The following VSIG4 variants were observed in gnomAD, a reference collection of about 807,000 sequenced individuals.
The protein encoded by VSIG4 is V-set and immunoglobulin domain containing 4, also known as V-set and immunoglobulin domain-containing protein 4.
VSIG4 carries 34 observed loss-of-function variants against 23.4 expected under a neutral mutation model. The ratio of observed to expected loss-of-function variants is 1.45; its 90% CI spans 1.10 to 1.93. The LOEUF (loss-of-function observed/expected upper bound fraction) is 1.93. Ranked by LOEUF, VSIG4 falls within the 30% of genes most tolerant of loss-of-function variation. The pLI is 0.00. For missense variants in VSIG4, 433 were observed against 310.8 expected (o/e 1.39, Z -2.96); for synonymous variants, 169 against 120.3 (o/e 1.41, Z -2.65).
chrX:66,032,713 C>T lies in VSIG4; in HGVS notation c.449G>A (p.Gly150Asp). 8.3e-7 allele frequency: 1 copy of T among 1,211,467 alleles called. No individual in the cohort carries two copies. The highest frequency in any genetic ancestry group is 2.3e-4 in the Middle Eastern group (1 of 4,346). The part of the protein sequence containing the change: ...VSKPTVTTGS[G>D]YGFTVPQGMR... Reference sequence around the variant, plus strand: ...TCCCTGGGGCACCGTGAAGCCATAACCGCTGCCAGTTGTCACTGTGGGCTT... The same window carrying T: ...TCCCTGGGGCACCGTGAAGCCATAATCGCTGCCAGTTGTCACTGTGGGCTT... The change falls in exon 3 of 8, where the codon GGT (glycine) becomes GAT (aspartate). Residue 150 changes from glycine (G) to aspartate (D), a missense_variant. Transcript: ENST00000374737.
chrX:66,029,762 A>G (rs5964487), intron 3 of VSIG4, among the ~76,000 whole-genome samples: 37,573 of 110,544 alleles, frequency 0.34, 8,385 homozygotes, highest in African/African-American at 0.82. Flanking sequence ...AGGTACTGCT[A>G]TGTTTTCTAA....
At chrX:66,026,836 G>A (rs1475343631) in intron 5 of VSIG4, among the ~76,000 whole-genome samples, 1 of 111,619 alleles carries the variant, frequency 9.0e-6, no homozygotes, top group African/African-American at 3.3e-5. Context: ...AATGGGACAA[G>A]GCAGCCCCAG....
chrX:66,025,147 A>G lies in VSIG4; in HGVS notation c.836-18T>C, dbSNP rs1395934823. Reference sequence around the variant, plus strand: ...GCTCTTTCCTAGAGGGTAAAACAAGATCAAGTGGTATTTGATTGAAAATAA... The same window carrying G: ...GCTCTTTCCTAGAGGGTAAAACAAGGTCAAGTGGTATTTGATTGAAAATAA... On this transcript the variant is annotated intron_variant, in intron 5 of 7. Coordinates refer to ENST00000374737, the MANE Select transcript of VSIG4 (RefSeq NM_007268.3). The G allele has an allele frequency of 1.8e-6, 2 of 1,098,607 alleles. No homozygotes were observed. The highest frequency in any genetic ancestry group is 3.1e-5 in the East Asian group (1 of 31,882). 90.5% of individuals were successfully genotyped at this position (1,098,607 alleles called of 1,213,427 possible). A position where few individuals can be genotyped will look rare whatever the true frequency, so the allele number is the denominator to read the frequency against.
chrX:66,023,863 A>G (rs1391282002), intron 6 of VSIG4, among the ~76,000 whole-genome samples: 1 of 112,216 alleles, frequency 8.9e-6, no homozygotes, highest in East Asian at 2.8e-4. Context: ...TTTTTGAGAG[A>G]GAAACAATTT....
intron 1 of VSIG4, among the ~76,000 whole-genome samples, chrX:66,038,901 AGCCTTTTTCTCTAGGGAT>A (rs1296396442): frequency 2.7e-5 from 3 of 111,216 alleles, no homozygotes; most frequent in Non-Finnish European, 3.8e-5. Flanking sequence ...ACACCTATCC[AGCCTTTTTCTCTAGGGAT>A]GATAGGGAAG....
rs138033339 is a variant in VSIG4 at position 66,035,021 on chromosome X, G to A, written c.56-1191C>T. 5.2e-4 allele frequency among the ~76,000 whole-genome samples: 58 copies of A among 110,936 alleles called. 1 individual carries two copies. In the East Asian group the frequency reaches 0.015, roughly 29 times the overall value. ...GTATTCAGTCAAGCGGATGGAAGATGACATCTTTTGGATGGGTTGAGTGTA... is the reference window on the plus strand; with the variant it reads ...GTATTCAGTCAAGCGGATGGAAGATAACATCTTTTGGATGGGTTGAGTGTA... On this transcript the variant is annotated intron_variant, in intron 1 of 7. Coordinates refer to ENST00000374737, the MANE Select transcript of VSIG4 (RefSeq NM_007268.3).
intron 1 of VSIG4, among the ~76,000 whole-genome samples, chrX:66,038,423 T>A (rs1057040037): frequency 9.1e-6 from 1 of 110,341 alleles, no homozygotes; most frequent in African/African-American, 3.3e-5. Flanking sequence ...TGCTTCCAGG[T>A]CTGGAAAAGC....
rs1200203966 is a variant in VSIG4, at chrX:66,033,636, C to T, written c.250G>A (p.Gly84Ser). The change falls in exon 2 of 8, where the codon GGC (glycine) becomes AGC (serine). Residue 84 changes from glycine to serine, a missense_variant. Transcript: ENST00000374737. ...GDHIQQAKYQ[G>S]RLHVSHKVPG... ...ACCTTGTGGCTCACATGCAGGCGGC[C>T]CTGGTACTTTGCCTGCTGGATATGG... is the stretch of plus-strand genomic sequence containing the variant. The T allele has an allele frequency of 2.5e-6, 3 of 1,209,262 alleles. No individual in the cohort carries two copies. The highest frequency in any genetic ancestry group is 3.0e-5 in the East Asian group (1 of 33,727).
In VSIG4 at chrX:66,028,558, CTTTTTTTTTTTTT is replaced by C. The variant is rs34660062; in HGVS notation, c.695-459_695-447del. On this transcript the variant is annotated intron_variant, in intron 3 of 7. Coordinates refer to ENST00000374737, the MANE Select transcript of VSIG4 (RefSeq NM_007268.3). ...ATAATGCAAAATTTGACGTAATCAA[CTTTTTTTTTTTTT>C]TTTTTTTTTTTTTAGAATTTTGCAA... Among the ~76,000 whole-genome samples the C allele has an allele frequency of 3.7e-3, 271 of 74,236 alleles. 2 individuals carry two copies. Among genetic ancestry groups the C allele is most frequent in the Admixed American group, 4.8e-3 (30 of 6,274 alleles). 64.5% of individuals were successfully genotyped at this position (74,236 alleles called of 115,157 possible).
chrX:66,036,148 T>C (rs188177297), intron 1 of VSIG4, among the ~76,000 whole-genome samples: 8 of 110,988 alleles, frequency 7.2e-5, no homozygotes, highest in Admixed American at 4.8e-4. Flanking sequence ...TTCCTCTCCC[T>C]TCTTCCTCCT....
At chrX:66,038,513 GCA>G (rs2147683192) in intron 1 of VSIG4, among the ~76,000 whole-genome samples, 1 of 108,494 alleles carries the variant, frequency 9.2e-6, no homozygotes, top group Admixed American at 9.9e-5. Flanking sequence ...ACACATGAAT[GCA>G]CACACACATA....
intron 5 of VSIG4, among the ~76,000 whole-genome samples, chrX:66,025,591 A>G (rs963279937): frequency 1.8e-5 from 2 of 112,069 alleles, no homozygotes; most frequent in Non-Finnish European, 3.8e-5. Context: ...GAGCCACTTG[A>G]GACACATATT....
Position 66,031,939 on chromosome X carries a change from CCAAA to C in VSIG4, c.694+525_694+528del, listed in dbSNP as rs770040960. On this transcript the variant is annotated intron_variant, in intron 3 of 7. Transcript: ENST00000374737. Reference sequence around the variant, plus strand: ...CCTAATCAAACAAGCAAAACAATAACCAAACAAACAGAACACACAAACAAAAAAC... The same window carrying C: ...CCTAATCAAACAAGCAAAACAATAACCAAACAGAACACACAAACAAAAAAC... 2.1e-4 allele frequency among the ~76,000 whole-genome samples: 23 copies of C among 111,817 alleles called. No individual in the cohort carries two copies. The East Asian group carries it at 4.0e-3, about 19-fold the overall frequency.
Position 66,040,074 on chromosome X carries a change from C to T in VSIG4, c.-76G>A. The T allele has an allele frequency of 7.6e-6, 8 of 1,053,336 alleles. No homozygotes were observed. The highest frequency in any genetic ancestry group is 2.7e-4 in the Middle Eastern group (1 of 3,672). 86.8% of individuals were successfully genotyped at this position (1,053,336 alleles called of 1,213,427 possible). On this transcript the variant is annotated 5_prime_UTR_variant, in exon 1 of 8. Coordinates refer to ENST00000374737, the MANE Select transcript of VSIG4 (RefSeq NM_007268.3). ...GGCTCAAACTTCTGGTGGCCGCCAG[C>T]GTCTGTGACTGCTTACTTCCCTTCC...
At chrX:66,023,568 C>T (rs2085357216) in intron 6 of VSIG4, among the ~76,000 whole-genome samples, 2 of 112,704 alleles carry the variant, frequency 1.8e-5, no homozygotes, top group Non-Finnish European at 1.9e-5. Flanking sequence ...GTGTCTTACT[C>T]GCCCATTGGC....
intron 4 of VSIG4, 117 bp from the exon 5 acceptor site, chrX:66,027,643 G>T (rs2085408175): frequency 1.8e-6 from 1 of 558,561 alleles, no homozygotes; most frequent in Non-Finnish European, 3.0e-6. Context: ...ACTTTCCAGG[G>T]TACCTGACCA....
chrX:66,037,541 T>A (rs187406517), intron 1 of VSIG4, among the ~76,000 whole-genome samples: 587 of 26,893 alleles, frequency 0.022, 12 homozygotes, highest in African/African-American at 0.095. Flanking sequence ...ATTCATAATA[T>A]ATTATATTAT....
At chrX:66,033,889 A>G in intron 1 of VSIG4, 59 bp from the exon 2 acceptor site, 1 of 965,630 alleles carries the variant, frequency 1.0e-6, no homozygotes, top group Non-Finnish European at 1.4e-6. Context: ...CTTGGCAACT[A>G]AGGTGACAGT....
intron 3 of VSIG4, 108 bp from the exon 4 acceptor site, chrX:66,028,220 A>G (rs761592994): frequency 6.6e-6 from 4 of 608,381 alleles, no homozygotes; most frequent in Non-Finnish European, 1.1e-5. Flanking sequence ...CCATACTTGG[A>G]CCTGCCTCAA....
Sources: gnomAD v4.1 joint callset for allele counts (sites outside exome capture counted in the v4.1 genomes callset) on GRCh38, gnomAD v4.1.1 for gene constraint, MANE v1.5 for transcripts, NCBI Gene and HGNC (gene_info 2026-07-23, HGNC 2026-07-21) for gene names.